ANO3: variants seen among roughly 807,000 people sequenced by gnomAD.
The protein encoded by ANO3 is anoctamin-3.
In ANO3, 99 loss-of-function variants were observed where a neutral mutation model predicts 144.8. The ratio of observed to expected loss-of-function variants is 0.68; its 90% CI spans 0.58 to 0.81. The LOEUF (loss-of-function observed/expected upper bound fraction) is 0.81, where lower values mean the gene tolerates loss of function less well. Ranked by LOEUF, ANO3 falls within the 30% of genes least tolerant of loss-of-function variation. ANO3 has a pLI of 0.00. For synonymous variants in ANO3, 414 were observed against 392.6 expected (o/e 1.05, Z -0.64); for missense variants, 905 against 1,202.2 (o/e 0.75, Z 3.66).
At chr11:26,240,414 C>T (rs1564930298) in intron 1 of ANO3, among the ~76,000 whole-genome samples, 1 of 152,060 alleles carries the variant, frequency 6.6e-6, no homozygotes, top group Non-Finnish European at 1.5e-5. Flanking sequence ...TTGGTAAGTC[C>T]TATTATACAA....
rs189250608 is a variant in ANO3 at position 26,440,482 on chromosome 11, G to A, written c.47-1436G>A. ...GGGAAATGACCTGGAACTGGTAAAC[G>A]AAAATGACAGTAATAAAGAAGACTA... On this transcript the variant is annotated intron_variant, in intron 1 of 26. Coordinates refer to ENST00000256737, the MANE Select transcript of ANO3 (RefSeq NM_031418.4). Among the ~76,000 whole-genome samples the A allele has an allele frequency of 3.9e-4, 59 of 151,936 alleles. No individual in the cohort carries two copies. In the East Asian group the frequency reaches 5.8e-3, roughly 15 times the overall value.
intron 3 of ANO3, 61 bp from the exon 4 acceptor site, chr11:26,462,969 G>C (rs949830493): frequency 7.3e-6 from 6 of 827,302 alleles, no homozygotes; most frequent in Middle Eastern, 4.9e-4. Flanking sequence ...AGATTAGTAT[G>C]TTTAATGAAA....
At chr11:26,233,740 C>A (rs1243705056) in intron 1 of ANO3, among the ~76,000 whole-genome samples, 2 of 152,158 alleles carry the variant, frequency 1.3e-5, no homozygotes, top group Non-Finnish European at 2.9e-5. Context: ...GGCACATGTA[C>A]ACCAAGGAAT....
At chr11:26,620,586 T>C (rs1852385808) in intron 17 of ANO3, among the ~76,000 whole-genome samples, 1 of 152,142 alleles carries the variant, frequency 6.6e-6, no homozygotes, top group African/African-American at 2.4e-5. Flanking sequence ...TTAAAATCCA[T>C]GTATCATGCA....
At chr11:26,591,560 C>T (rs1040777069) in intron 14 of ANO3, among the ~76,000 whole-genome samples, 2 of 152,080 alleles carry the variant, frequency 1.3e-5, no homozygotes, top group Non-Finnish European at 2.9e-5. Context: ...AGTGGGGTCT[C>T]CTTTAGAAAA....
intron 14 of ANO3, among the ~76,000 whole-genome samples, chr11:26,584,196 A>G (rs1851213888): frequency 6.6e-6 from 1 of 151,972 alleles, no homozygotes; most frequent in Admixed American, 6.6e-5. Context: ...GTCTCACTCT[A>G]TCGCCAGGCT....
intron 14 of ANO3, among the ~76,000 whole-genome samples, chr11:26,575,451 G>A (rs11029621): frequency 0.49 from 74,156 of 151,700 alleles, 18,252 homozygotes; most frequent in South Asian, 0.63. Context: ...GTAGAAATTG[G>A]ATGGAAATAG....
upstream of ANO3, among the ~76,000 whole-genome samples, chr11:26,305,860 T>C (rs371428119): frequency 1.4e-4 from 22 of 152,316 alleles, no homozygotes; most frequent in African/African-American, 5.3e-4. Context: ...AAATACTCCA[T>C]TGATAGCTCT....
chr11:26,345,988 C>T (rs559375958), intron 1 of ANO3, among the ~76,000 whole-genome samples: 2 of 152,084 alleles, frequency 1.3e-5, no homozygotes, highest in South Asian at 4.2e-4. Flanking sequence ...AAAGTTTTAC[C>T]AAGGTGGAGG....
At chr11:26,595,473 T>TTTTTG (rs1851592497) in intron 14 of ANO3, among the ~76,000 whole-genome samples, 6 of 145,524 alleles carry the variant, frequency 4.1e-5, no homozygotes, top group South Asian at 4.5e-4. Flanking sequence ...TTTTTTTTTT[T>TTTTTG]TTTTTTTTTT....
At chr11:26,335,795 A>G (rs1855177035) in intron 1 of ANO3, among the ~76,000 whole-genome samples, 1 of 152,176 alleles carries the variant, frequency 6.6e-6, no homozygotes, top group Non-Finnish European at 1.5e-5. Context: ...TTTGCTAAAC[A>G]CCTTTACGAG....
chr11:26,241,478 C>G (rs983795710), intron 1 of ANO3, among the ~76,000 whole-genome samples: 5 of 152,172 alleles, frequency 3.3e-5, no homozygotes, highest in African/African-American at 7.2e-5. Context: ...ACTCCTAACA[C>G]CTAGCAACAT....
intron 1 of ANO3, among the ~76,000 whole-genome samples, chr11:26,272,476 G>C (rs1387482933): frequency 6.6e-6 from 1 of 152,102 alleles, no homozygotes. Flanking sequence ...TGCAGATACG[G>C]TATAAGAAAG....
intron 8 of ANO3, among the ~76,000 whole-genome samples, chr11:26,533,371 T>G (rs1271794329): frequency 6.6e-6 from 1 of 152,152 alleles, no homozygotes; most frequent in Non-Finnish European, 1.5e-5. Context: ...CAACATTACT[T>G]TTAATGGCAA....
chr11:26,257,292 C>T (rs1237715089), intron 1 of ANO3, among the ~76,000 whole-genome samples: 5 of 151,984 alleles, frequency 3.3e-5, no homozygotes, highest in Admixed American at 2.0e-4. Flanking sequence ...ATTTTATACT[C>T]ATTTTTATAG....
At chr11:26,638,730 T>G (rs139790266) in intron 20 of ANO3, among the ~76,000 whole-genome samples, 1 of 152,344 alleles carries the variant, frequency 6.6e-6, no homozygotes, top group East Asian at 1.9e-4. Context: ...GCAAGTTGTC[T>G]GTACATCTAA....
At chr11:26,361,902 G>A (rs1464179913) in intron 1 of ANO3, among the ~76,000 whole-genome samples, 1 of 152,094 alleles carries the variant, frequency 6.6e-6, no homozygotes, top group African/African-American at 2.4e-5. Context: ...CTCCTTCAGA[G>A]ATTTCTGATA....
chr11:26,482,948 A>G (rs1323232988), intron 4 of ANO3, among the ~76,000 whole-genome samples: 1 of 152,144 alleles, frequency 6.6e-6, no homozygotes, highest in African/African-American at 2.4e-5. Flanking sequence ...ATGGCTGAAT[A>G]TCACATTTTC....
intron 1 of ANO3, among the ~76,000 whole-genome samples, chr11:26,422,365 C>T (rs1857777722): frequency 6.6e-6 from 1 of 151,970 alleles, no homozygotes; most frequent in African/African-American, 2.4e-5. Context: ...AGCAGCTTCT[C>T]CTCCTTGGAG....
Sources: allele counts gnomAD v4.1 joint callset (sites outside exome capture counted in the v4.1 genomes callset), GRCh38; gene constraint gnomAD v4.1.1; transcripts MANE v1.5; gene names NCBI Gene and HGNC (gene_info 2026-07-23, HGNC 2026-07-21).